GJC1: variants seen among roughly 807,000 people sequenced by gnomAD.
The protein encoded by GJC1 is gap junction protein gamma 1.
A neutral mutation model predicts 29.3 loss-of-function variants in GJC1; 5 were observed. The observed-to-expected ratio is 0.17, with a 90% CI of 0.09 to 0.36. The LOEUF (loss-of-function observed/expected upper bound fraction) is 0.36, where lower values mean the gene tolerates loss of function less well. GJC1 is among the 10% of genes least tolerant of loss of function. The pLI is 1.00. For missense variants in GJC1, 310 were observed against 496.2 expected (o/e 0.62, Z 3.56); for synonymous variants, 177 against 183.3 (o/e 0.97, Z 0.28).
rs2049856950 is a variant in GJC1 at position 44,802,186 on chromosome 17, A to C, written c.*2441T>G. The stretch of plus-strand genomic sequence containing the variant: ...CAGGCCAAGATGAAACACCAGGGGC[A>C]CTCTTCACAGAAATTAAGTGGATGC... On this transcript the variant is annotated 3_prime_UTR_variant, in exon 3 of 3. Transcript: ENST00000592524. 1 of 152,138 alleles carries C rather than the reference A, an allele frequency of 6.6e-6. No individual in the cohort carries two copies. Among genetic ancestry groups the C allele is most frequent in the South Asian group, 2.1e-4 (1 of 4,828 alleles). 9.4% of individuals were successfully genotyped at this position (152,138 alleles called of 1,614,324 possible).
At chr17:44,808,867 C>T (rs947365879) in intron 1 of GJC1, among the ~76,000 whole-genome samples, 3 of 152,216 alleles carry the variant, frequency 2.0e-5, no homozygotes, top group South Asian at 2.1e-4. Context: ...CACCAGCAGT[C>T]GGGAGTTTGA....
At chr17:44,830,706 A>AT, upstream of GJC1, 1 of 398,686 alleles carries the variant, frequency 2.5e-6, no homozygotes, top group Non-Finnish European at 4.4e-6. The surrounding 1 kb of genome is among the most constrained non-coding windows in gnomAD (Gnocchi z 4.3). Context: ...GCCTTGGTCC[A>AT]TTGTAGCACG....
downstream of GJC1, among the ~76,000 whole-genome samples, chr17:44,796,481 C>T (rs751435990): frequency 6.6e-5 from 10 of 152,238 alleles, no homozygotes; most frequent in Non-Finnish European, 4.4e-5. Context: ...TGAGATGAAA[C>T]TCATGTGCTA....
At chr17:44,809,858 C>G (rs576771595) in intron 1 of GJC1, among the ~76,000 whole-genome samples, 2 of 150,286 alleles carry the variant, frequency 1.3e-5, no homozygotes, top group Non-Finnish European at 3.0e-5. Context: ...TGAGCCACCA[C>G]GCCCAGCCTT....
intron 1 of GJC1, among the ~76,000 whole-genome samples, chr17:44,823,979 G>A (rs576982172): frequency 9.9e-5 from 15 of 151,664 alleles, no homozygotes; most frequent in African/African-American, 3.6e-4. Context: ...CCAAAGTGAT[G>A]GGATTACAAG....
At chr17:44,816,952 T>C (rs2050050457) in intron 1 of GJC1, among the ~76,000 whole-genome samples, 1 of 152,182 alleles carries the variant, frequency 6.6e-6, no homozygotes. Flanking sequence ...GGTTCACGTC[T>C]GTAATCCCAG....
intron 1 of GJC1, among the ~76,000 whole-genome samples, chr17:44,810,272 C>A (rs1181749170): frequency 6.6e-6 from 1 of 152,196 alleles, no homozygotes; most frequent in Non-Finnish European, 1.5e-5. Context: ...GCTGGGATTA[C>A]AGGCATGAGC....
At chr17:44,828,802 A>T (rs1421796392) in intron 1 of GJC1, among the ~76,000 whole-genome samples, 1 of 151,946 alleles carries the variant, frequency 6.6e-6, no homozygotes, top group Non-Finnish European at 1.5e-5. Context: ...TGAGGTTGAA[A>T]TTTTTTTGCT....
rs1487066680 is a variant in GJC1, at chr17:44,817,710, C to CA, written c.-96-10242dup. ...GGGCAACAAGAGTGAAACTCCATCT[C>CA]AAAAAAACCCAAAAACCAAAAAACT... On this transcript the variant is annotated intron_variant, in intron 1 of 2. Coordinates refer to ENST00000592524, the MANE Select transcript of GJC1 (RefSeq NM_005497.4). Among the ~76,000 whole-genome samples the CA allele has an allele frequency of 2.0e-5, 3 of 151,264 alleles. No individual in the cohort carries two copies. The East Asian group carries it at 5.9e-4, about 30-fold the overall frequency.
intron 1 of GJC1, among the ~76,000 whole-genome samples, chr17:44,826,298 C>A (rs914204409): frequency 2.6e-5 from 4 of 151,968 alleles, no homozygotes; most frequent in Non-Finnish European, 5.9e-5. Flanking sequence ...TTTGGGAGGC[C>A]GAGGTGGCCG....
intron 1 of GJC1, among the ~76,000 whole-genome samples, chr17:44,808,704 G>A (rs868050108): frequency 1.1e-4 from 16 of 152,222 alleles, no homozygotes; most frequent in South Asian, 2.1e-4. Flanking sequence ...AGAGGTTGCA[G>A]TGAGTTGTGA....
At chr17:44,797,786 A>T (rs1042872378), downstream of GJC1, 1 of 152,252 alleles carries the variant, frequency 6.6e-6, no homozygotes. Context: ...ATCTACTTTC[A>T]AAACTAACAG....
At chr17:44,821,478 A>G (rs1311376385) in intron 1 of GJC1, among the ~76,000 whole-genome samples, 5 of 151,964 alleles carry the variant, frequency 3.3e-5, no homozygotes, top group Admixed American at 3.3e-4. Context: ...CAGGCGGATC[A>G]CCTGAGGTCA....
chr17:44,825,729 C>A lies in GJC1; in HGVS notation c.-97+4333G>T, dbSNP rs369673554. On this transcript the variant is annotated intron_variant, in intron 1 of 2. Coordinates refer to ENST00000592524, the MANE Select transcript of GJC1 (RefSeq NM_005497.4). ...GACGGAGGTTGCAGTGAGCCAAGAT[C>A]GTGCCACTGCACTCCACCCTGGGTG... Among the ~76,000 whole-genome samples, 8 of 150,760 alleles carry A rather than the reference C, an allele frequency of 5.3e-5. No homozygotes were observed. In the East Asian group the frequency reaches 1.4e-3, roughly 26 times the overall value.
intron 1 of GJC1, among the ~76,000 whole-genome samples, chr17:44,813,805 T>C (rs768477291): frequency 3.9e-5 from 6 of 152,030 alleles, no homozygotes; most frequent in Non-Finnish European, 7.4e-5. Context: ...AAGTTACCCA[T>C]TCTTACTCTC....
Position 44,822,196 on chromosome 17 carries a change from C to CAAAAAAAAAAAA in GJC1, c.-97+7854_-97+7865dup, listed in dbSNP as rs59152296. Among the ~76,000 whole-genome samples the CAAAAAAAAAAAA allele has an allele frequency of 4.2e-5, 2 of 47,564 alleles. 1 individual carries two copies. The highest frequency in any genetic ancestry group is 1.4e-4 in the African/African-American group (2 of 14,482). The allele number at this position is 47,564 out of a possible 152,430, so 31.2% of individuals were successfully genotyped here. ...TGGGAGACAGATCGAGACTCCGTCT[C>CAAAAAAAAAAAA]AAAAAAAAAAAAAAAAAAAAAAAAA... On this transcript the variant is annotated intron_variant, in intron 1 of 2. Transcript: ENST00000592524.
rs1309827268 is a variant in GJC1, at chr17:44,805,118, T to C, written c.700A>G (p.Ile234Val). The change falls in exon 3 of 3, where the codon ATA (isoleucine) becomes GTA (valine). Residue 234 changes from isoleucine to valine, a missense_variant. By Grantham distance (29) the Ile-to-Val change is conservative. Around this residue, in one of 4 missense-constraint regions of GJC1, gnomAD observed 45 missense variants for 126.2 expected, o/e 0.36. Transcript: ENST00000592524. The surrounding 1 kb of genome is among the most constrained non-coding windows in gnomAD (Gnocchi z 5.1). ...RPTEKTIFLL[I>V]MYGVTGLCLL... The stretch of plus-strand genomic sequence containing the variant: ...CAAAGGCCTGTAACACCATACATTA[T>C]CAGAAGGAAGATGGTCTTTTCAGTG... The C allele has an allele frequency of 1.2e-6, 2 of 1,614,078 alleles. No individual in the cohort carries two copies. The highest frequency in any genetic ancestry group is 1.7e-6 in the Non-Finnish European group (2 of 1,179,978).
chr17:44,806,625 G>A (rs1317252156), intron 2 of GJC1, among the ~76,000 whole-genome samples: 1 of 151,970 alleles, frequency 6.6e-6, no homozygotes, highest in Non-Finnish European at 1.5e-5. Flanking sequence ...CTGACCTCAG[G>A]TGATCCGCCT....
chr17:44,802,910 G>A lies in GJC1; in HGVS notation c.*1717C>T, dbSNP rs2049868865. ...CCCAGCTAATCAAGAGGCTGAGGTGGAATGATTGCTTGAGCCTGGGAGGCA... is the reference window on the plus strand; with the variant it reads ...CCCAGCTAATCAAGAGGCTGAGGTGAAATGATTGCTTGAGCCTGGGAGGCA... On this transcript the variant is annotated 3_prime_UTR_variant, in exon 3 of 3. Transcript: ENST00000592524. 1 of 152,178 alleles carries A rather than the reference G, an allele frequency of 6.6e-6. No homozygotes were observed. The allele number at this position is 152,178 out of a possible 1,614,324, so 9.4% of individuals were successfully genotyped here.
Sources: allele counts gnomAD v4.1 joint callset (sites outside exome capture counted in the v4.1 genomes callset), GRCh38; gene constraint gnomAD v4.1.1; regional missense constraint gnomAD v4.1.1; non-coding constraint Gnocchi (gnomAD v3.1); transcripts MANE v1.5; gene names NCBI Gene and HGNC (gene_info 2026-07-23, HGNC 2026-07-21).